The following CNTNAP2 variants were observed in gnomAD, a reference collection of about 807,000 sequenced individuals.
The protein encoded by CNTNAP2 is contactin-associated protein-like 2.
A neutral mutation model predicts 155.2 loss-of-function variants in CNTNAP2; 98 were observed. The ratio of observed to expected loss-of-function variants is 0.63; its 90% CI spans 0.54 to 0.75. The LOEUF is 0.75. Among genes scored for constraint, CNTNAP2 ranks in the 30% least tolerant of loss-of-function variants. CNTNAP2 has a pLI of 0.00. For missense variants in CNTNAP2, 1,727 were observed against 1,688.1 expected (o/e 1.02, Z -0.40); for synonymous variants, 651 against 631.2 (o/e 1.03, Z -0.47).
At chr7:146,331,264 A>G (rs976815596) in intron 1 of CNTNAP2, among the ~76,000 whole-genome samples, 8 of 149,792 alleles carry the variant, frequency 5.3e-5, no homozygotes, top group African/African-American at 1.5e-4. Flanking sequence ...AGATCGCGCC[A>G]CTGCACTCCA....
At chr7:147,672,006 T>C (rs922208979) in intron 13 of CNTNAP2, 2 of 152,152 alleles carry the variant, frequency 1.3e-5, no homozygotes, top group Non-Finnish European at 2.9e-5. Flanking sequence ...GAAAATCAGA[T>C]ACTGGTCTGA....
At chr7:147,922,188 A>G (rs1325253507) in intron 14 of CNTNAP2, among the ~76,000 whole-genome samples, 1 of 152,256 alleles carries the variant, frequency 6.6e-6, no homozygotes, top group East Asian at 1.9e-4. Context: ...ACAGAAGGAA[A>G]ATAAATCAAG....
chr7:146,268,473 C>T (rs1346434181), intron 1 of CNTNAP2, among the ~76,000 whole-genome samples: 1 of 152,166 alleles, frequency 6.6e-6, no homozygotes, highest in African/African-American at 2.4e-5. Flanking sequence ...AAAACAGTAC[C>T]TGGACCCAGC....
chr7:148,229,213 A>G (rs1167418151), intron 19 of CNTNAP2, among the ~76,000 whole-genome samples: 2 of 152,114 alleles, frequency 1.3e-5, no homozygotes, highest in Non-Finnish European at 2.9e-5. Context: ...TGTGGACATC[A>G]AGGGAGGGAG....
chr7:146,902,694 G>A (rs1243437390), intron 3 of CNTNAP2, among the ~76,000 whole-genome samples: 1 of 152,148 alleles, frequency 6.6e-6, no homozygotes, highest in African/African-American at 2.4e-5. Context: ...CGTTAACCTA[G>A]TCTCTTCTGG....
intron 15 of CNTNAP2, among the ~76,000 whole-genome samples, chr7:147,996,288 C>T (rs774489854): frequency 2.6e-5 from 4 of 152,192 alleles, no homozygotes; most frequent in Non-Finnish European, 1.5e-5. Flanking sequence ...AACTTGATTA[C>T]AGAAATTACC....
chr7:148,015,481 G>A (rs1255162740), intron 15 of CNTNAP2, among the ~76,000 whole-genome samples: 1 of 152,218 alleles, frequency 6.6e-6, no homozygotes, highest in Non-Finnish European at 1.5e-5. Context: ...GCATCGGCGA[G>A]ACCCAGTGTC....
At chr7:147,305,017 A>G (rs1475666818) in intron 9 of CNTNAP2, among the ~76,000 whole-genome samples, 1 of 152,132 alleles carries the variant, frequency 6.6e-6, no homozygotes, top group Non-Finnish European at 1.5e-5. Context: ...GTCTCTTCTT[A>G]TGAGTGCACC....
chr7:146,774,089 A>G (rs549134537), intron 1 of CNTNAP2, among the ~76,000 whole-genome samples, 182 bp from the exon 2 acceptor site: 1 of 152,356 alleles, frequency 6.6e-6, no homozygotes, highest in African/African-American at 2.4e-5. Flanking sequence ...AGGGTTATAT[A>G]AACAGCTCCT....
At chr7:146,535,008 G>A (rs1797825265) in intron 1 of CNTNAP2, among the ~76,000 whole-genome samples, 1 of 133,488 alleles carries the variant, frequency 7.5e-6, no homozygotes, top group Non-Finnish European at 1.6e-5. Flanking sequence ...TACACAATTA[G>A]GCGTGCCATG....
rs370473535 is a variant in CNTNAP2 at position 147,738,017 on chromosome 7, C to A, written c.2098+98711C>A. The stretch of plus-strand genomic sequence containing the variant: ...TCGGCTCATGCTCGGTGCCCTGCAC[C>A]CACTGTCCTGCACCCACTGTCCAAC... On this transcript the variant is annotated intron_variant, in intron 13 of 23. Coordinates refer to ENST00000361727, the MANE Select transcript of CNTNAP2 (RefSeq NM_014141.6). Among the ~76,000 whole-genome samples, 7 of 152,282 alleles carry A rather than the reference C, an allele frequency of 4.6e-5. No homozygotes were observed. In the East Asian group the frequency reaches 1.4e-3, roughly 29 times the overall value.
intron 12 of CNTNAP2, among the ~76,000 whole-genome samples, chr7:147,576,655 A>T (rs905115512): frequency 2.0e-5 from 3 of 152,142 alleles, no homozygotes; most frequent in Non-Finnish European, 2.9e-5. Flanking sequence ...GCAAGAGTGA[A>T]GAGTTACTAA....
At chr7:146,693,804 G>T (rs1213264257) in intron 1 of CNTNAP2, among the ~76,000 whole-genome samples, 1 of 152,006 alleles carries the variant, frequency 6.6e-6, no homozygotes, top group Non-Finnish European at 1.5e-5. Context: ...GTGCCATGGT[G>T]GTTTGTAGCA....
chr7:147,861,571 C>T (rs10488351), intron 13 of CNTNAP2, among the ~76,000 whole-genome samples: 8,303 of 152,128 alleles, frequency 0.055, 270 homozygotes, highest in African/African-American at 0.071. Context: ...GTTTGCAATC[C>T]AATTAGAAGA....
Position 147,332,677 on chromosome 7 carries a change from C to T in CNTNAP2, c.1498+32387C>T, listed in dbSNP as rs570923043. Reference sequence around the variant, plus strand: ...TGAAGTTCGAGACCAGCCTGACCAACATGGTGAAACCCCGTCTCTACTAAT... The same window carrying T: ...TGAAGTTCGAGACCAGCCTGACCAATATGGTGAAACCCCGTCTCTACTAAT... On this transcript the variant is annotated intron_variant, in intron 9 of 23. Coordinates refer to ENST00000361727, the MANE Select transcript of CNTNAP2 (RefSeq NM_014141.6). Among the ~76,000 whole-genome samples, 6 of 152,290 alleles carry T rather than the reference C, an allele frequency of 3.9e-5. No homozygotes were observed. In the East Asian group the frequency reaches 1.2e-3, roughly 29 times the overall value.
chr7:147,863,858 T>G (rs1437902977), intron 13 of CNTNAP2, among the ~76,000 whole-genome samples: 1 of 152,206 alleles, frequency 6.6e-6, no homozygotes, highest in Non-Finnish European at 1.5e-5. Flanking sequence ...TTGCAAAAAT[T>G]TTCTCCCATT....
Position 147,287,183 on chromosome 7 carries a change from C to T in CNTNAP2, c.1349-12958C>T, listed in dbSNP as rs1175805415. 2.0e-5 allele frequency among the ~76,000 whole-genome samples: 3 copies of T among 152,046 alleles called. No homozygotes were observed. In the East Asian group the frequency reaches 5.8e-4, roughly 29 times the overall value. ...AATAGAGTGGGGTCAGTGGATGCAA[C>T]ATTACTAAGAAGAAACATCAGGTGC... is the stretch of plus-strand genomic sequence containing the variant. On this transcript the variant is annotated intron_variant, in intron 8 of 23. Coordinates refer to ENST00000361727, the MANE Select transcript of CNTNAP2 (RefSeq NM_014141.6).
At chr7:147,992,082 T>C (rs963026669) in intron 15 of CNTNAP2, among the ~76,000 whole-genome samples, 2 of 136,680 alleles carry the variant, frequency 1.5e-5, no homozygotes, top group African/African-American at 2.8e-5. Flanking sequence ...TTTGTATTAC[T>C]ACCTCTTTTT....
At chr7:147,849,449 C>T (rs530116393) in intron 13 of CNTNAP2, among the ~76,000 whole-genome samples, 1 of 152,308 alleles carries the variant, frequency 6.6e-6, no homozygotes, top group South Asian at 2.1e-4. Context: ...CAGGATTTTA[C>T]TCCAGACTGT....
Sources: allele counts gnomAD v4.1 joint callset (sites outside exome capture counted in the v4.1 genomes callset), GRCh38; gene constraint gnomAD v4.1.1; transcripts MANE v1.5; gene names NCBI Gene and HGNC (gene_info 2026-07-23, HGNC 2026-07-21).